Variants in LRRC3B observed in about 807,000 individuals in gnomAD.
The protein encoded by LRRC3B is leucine-rich repeat-containing protein 3B.
A neutral mutation model predicts 12.8 loss-of-function variants in LRRC3B; 2 were observed. The ratio of observed to expected loss-of-function variants is 0.16; its 90% confidence interval spans 0.06 to 0.49. The LOEUF (loss-of-function observed/expected upper bound fraction) is 0.49, where lower values mean the gene tolerates loss of function less well. Among genes scored for constraint, LRRC3B ranks in the 20% least tolerant of loss-of-function variants. The probability of loss-of-function intolerance (pLI) is 0.96; values close to 1 mark genes in which losing one functional copy is unlikely to be tolerated. For synonymous variants in LRRC3B, 132 were observed against 122.0 expected (o/e 1.08, Z -0.54); for missense variants, 189 against 319.4 (o/e 0.59, Z 3.11).
chr3:26,636,162 A>G (rs530670979), intron 1 of LRRC3B, among the ~76,000 whole-genome samples: 1 of 152,274 alleles, frequency 6.6e-6, no homozygotes, highest in African/African-American at 2.4e-5. Context: ...CATTCCCTAT[A>G]AAGAGATGCT....
chr3:26,636,908 CTCTT>C (rs1217440404), intron 1 of LRRC3B, among the ~76,000 whole-genome samples: 3 of 105,328 alleles, frequency 2.8e-5, no homozygotes, highest in African/African-American at 4.6e-5. Flanking sequence ...CTCTCTTTCT[CTCTT>C]TCTCTCTTTC....
At position 26,666,910 on chromosome 3, in the gene LRRC3B, T is replaced by G. The variant is rs1045562943; in HGVS notation, c.-160-42603T>G. On this transcript the variant is annotated intron_variant, in intron 1 of 1. Transcript: ENST00000396641. ...GTAGAATAGAAATTGTTGGTTCTAA[T>G]AGAAATGTGTCAACTACAACACTTT... 2.0e-5 allele frequency among the ~76,000 whole-genome samples: 3 copies of G among 152,168 alleles called. No homozygotes were observed. The East Asian group carries it at 5.8e-4, about 29-fold the overall frequency.
intron 1 of LRRC3B, among the ~76,000 whole-genome samples, chr3:26,674,194 T>TAATC (rs1417001386): frequency 3.3e-5 from 5 of 152,238 alleles, no homozygotes; most frequent in Admixed American, 6.5e-5. Flanking sequence ...CTCCAAAAGT[T>TAATC]AATCAATCAA....
intron 1 of LRRC3B, among the ~76,000 whole-genome samples, chr3:26,645,792 G>A (rs1270173320): frequency 1.3e-5 from 2 of 152,172 alleles, no homozygotes; most frequent in African/African-American, 2.4e-5. Flanking sequence ...AGGGTATCAT[G>A]TCAGAAAGTG....
intron 1 of LRRC3B, among the ~76,000 whole-genome samples, chr3:26,706,702 C>A (rs1030235904): frequency 1.3e-5 from 2 of 152,022 alleles, no homozygotes; most frequent in Admixed American, 1.3e-4. Flanking sequence ...CTGGAGAAAC[C>A]CTGATTATGG....
intron 1 of LRRC3B, among the ~76,000 whole-genome samples, chr3:26,679,594 C>A (rs1324780703): frequency 6.6e-6 from 1 of 152,202 alleles, no homozygotes. Context: ...ACTAACCTTC[C>A]TATTTAAAAT....
chr3:26,670,876 T>C (rs4470468), intron 1 of LRRC3B, among the ~76,000 whole-genome samples: 152,298 of 152,344 alleles, frequency 1, 76,126 homozygotes, highest in Middle Eastern at 1. Context: ...TTTATTATCA[T>C]ATACAAAGAA....
intron 1 of LRRC3B, among the ~76,000 whole-genome samples, chr3:26,645,439 A>G (rs1261676473): frequency 6.6e-6 from 1 of 152,166 alleles, no homozygotes; most frequent in East Asian, 1.9e-4. Context: ...GATAGTTCAT[A>G]GTGACTGCCT....
intron 1 of LRRC3B, among the ~76,000 whole-genome samples, chr3:26,634,310 T>C (rs1698819603): frequency 6.6e-6 from 1 of 152,212 alleles, no homozygotes; most frequent in Non-Finnish European, 1.5e-5. Flanking sequence ...GGTCCTAGCA[T>C]GCTGTGGCAG....
chr3:26,633,228 C>G (rs1339551478), intron 1 of LRRC3B, among the ~76,000 whole-genome samples: 1 of 152,160 alleles, frequency 6.6e-6, no homozygotes, highest in African/African-American at 2.4e-5. Flanking sequence ...TCCACCCATT[C>G]ATCCAAAGGT....
At chr3:26,678,147 T>A (rs372452083) in intron 1 of LRRC3B, among the ~76,000 whole-genome samples, 11 of 152,178 alleles carry the variant, frequency 7.2e-5, no homozygotes, top group African/African-American at 2.6e-4. Flanking sequence ...TAGTTTTAGG[T>A]ACATATGAAA....
chr3:26,684,871 G>A (rs996107120), intron 1 of LRRC3B, among the ~76,000 whole-genome samples: 53 of 152,352 alleles, frequency 3.5e-4, no homozygotes, highest in Admixed American at 3.9e-4. Context: ...GAGTTCACCA[G>A]TAGCAGATCT....
chr3:26,690,680 T>C (rs548464691), intron 1 of LRRC3B, among the ~76,000 whole-genome samples: 1 of 152,254 alleles, frequency 6.6e-6, no homozygotes. Flanking sequence ...TTTTCTTTTT[T>C]GTTCTTGGGG....
At chr3:26,642,149 CTG>C (rs778894508) in intron 1 of LRRC3B, among the ~76,000 whole-genome samples, 1 of 152,224 alleles carries the variant, frequency 6.6e-6, no homozygotes, top group Non-Finnish European at 1.5e-5. Context: ...TACATTCACT[CTG>C]TTGTGATATT....
At chr3:26,641,578 AC>A (rs1345206082) in intron 1 of LRRC3B, among the ~76,000 whole-genome samples, 1 of 152,104 alleles carries the variant, frequency 6.6e-6, no homozygotes, top group Non-Finnish European at 1.5e-5. Context: ...GGCTTAGGAA[AC>A]CCGAGCTGGA....
chr3:26,707,665 C>CAATT (rs1214509932), intron 1 of LRRC3B, among the ~76,000 whole-genome samples: 2 of 152,284 alleles, frequency 1.3e-5, no homozygotes, highest in East Asian at 1.9e-4. Context: ...TTATTTTCTT[C>CAATT]AATTACATTA....
intron 1 of LRRC3B, among the ~76,000 whole-genome samples, chr3:26,672,682 T>C (rs890358553): frequency 5.3e-5 from 8 of 152,360 alleles, no homozygotes; most frequent in African/African-American, 1.9e-4. Context: ...CCCAACTCTA[T>C]TGCTCCAATT....
chr3:26,654,650 A>C lies in LRRC3B; in HGVS notation c.-161+31413A>C, dbSNP rs557756562. Among the ~76,000 whole-genome samples, 190 of 152,308 alleles carry C rather than the reference A, an allele frequency of 1.2e-3. 1 individual carries two copies. The highest frequency in any genetic ancestry group is 2.2e-3 in the Non-Finnish European group (152 of 68,026). On this transcript the variant is annotated intron_variant, in intron 1 of 1. Coordinates refer to ENST00000396641, the Ensembl canonical transcript of LRRC3B. ...AGAAAGTGTGTAGTGGGACAGTGCA[A>C]AGTTCTTTTTGACTATAGCCTGGAG...
chr3:26,691,105 G>GTATCTATATATATA (rs1553605091), intron 1 of LRRC3B, among the ~76,000 whole-genome samples: 2 of 84,850 alleles, frequency 2.4e-5, no homozygotes, highest in South Asian at 9.7e-4. Context: ...GTGTGTGTGT[G>GTATCTATATATATA]TATATATATA....
Sources: allele counts gnomAD v4.1 joint callset (sites outside exome capture counted in the v4.1 genomes callset), GRCh38; gene constraint gnomAD v4.1.1; transcripts MANE v1.5; gene names NCBI Gene and HGNC (gene_info 2026-07-23, HGNC 2026-07-21).